TSGA10: variants seen among roughly 807,000 people sequenced by gnomAD.
The protein encoded by TSGA10 is testis specific 10, also known as testis-specific gene 10 protein.
Under a neutral mutation model 96.6 loss-of-function variants are expected in TSGA10, and 43 were observed. The ratio of observed to expected loss-of-function variants is 0.44; its 90% CI spans 0.35 to 0.57. TSGA10 has a LOEUF of 0.57. Among genes scored for constraint, TSGA10 ranks in the 20% least tolerant of loss-of-function variants. The pLI is 0.01. For synonymous variants in TSGA10, 229 were observed against 269.9 expected (o/e 0.85, Z 1.48); for missense variants, 703 against 834.4 (o/e 0.84, Z 1.94).
At chr2:99,012,204 C>A (rs1443841368) in intron 20 of TSGA10, among the ~76,000 whole-genome samples, 1 of 152,090 alleles carries the variant, frequency 6.6e-6, no homozygotes, top group African/African-American at 2.4e-5. Flanking sequence ...CAAAATACAT[C>A]AAAATAGAAG....
At chr2:99,079,385 T>C (rs1033042951) in intron 11 of TSGA10, among the ~76,000 whole-genome samples, 1 of 152,208 alleles carries the variant, frequency 6.6e-6, no homozygotes, top group East Asian at 1.9e-4. Context: ...AGTGTCAACG[T>C]TGAAGGCCTG....
At chr2:99,102,792 T>C in intron 10 of TSGA10, 1 of 1,477,450 alleles carries the variant, frequency 6.8e-7, no homozygotes, top group Non-Finnish European at 9.5e-7. Flanking sequence ...TTGTGTATAG[T>C]AATATGATTC....
intron 12 of TSGA10, among the ~76,000 whole-genome samples, chr2:99,073,417 GT>G (rs1558924955): frequency 6.6e-6 from 1 of 152,122 alleles, no homozygotes; most frequent in Non-Finnish European, 1.5e-5. Context: ...TGGCATTGGA[GT>G]ATTGGCATTT....
chr2:99,086,230 G>C (rs1000536203), intron 10 of TSGA10, among the ~76,000 whole-genome samples: 1 of 152,094 alleles, frequency 6.6e-6, no homozygotes, highest in African/African-American at 2.4e-5. Context: ...GTATTCTTTT[G>C]TGGAAAAAAA....
At chr2:99,002,929 G>C (rs546357173) in intron 20 of TSGA10, among the ~76,000 whole-genome samples, 1 of 151,156 alleles carries the variant, frequency 6.6e-6, no homozygotes, top group African/African-American at 2.4e-5. Context: ...GTGCGATCTT[G>C]GCTCACTGCA....
At chr2:99,011,877 A>G (rs770988847) in intron 20 of TSGA10, among the ~76,000 whole-genome samples, 2 of 152,212 alleles carry the variant, frequency 1.3e-5, no homozygotes, top group Admixed American at 6.5e-5. Context: ...TCACCTAGGC[A>G]CAAAGTCATC....
chr2:99,121,898 G>T (rs901069297), intron 2 of TSGA10, among the ~76,000 whole-genome samples: 6 of 152,092 alleles, frequency 3.9e-5, no homozygotes, highest in African/African-American at 1.4e-4. Flanking sequence ...CCTCCTAAAA[G>T]TCTCATAGTT....
intron 10 of TSGA10, chr2:99,102,144 G>A: frequency 6.8e-7 from 1 of 1,477,058 alleles, no homozygotes; most frequent in East Asian, 2.3e-5. Flanking sequence ...ATCGATCATG[G>A]AGCTGATGAA....
intron 16 of TSGA10, among the ~76,000 whole-genome samples, chr2:99,042,340 C>T (rs1056077873): frequency 6.6e-6 from 1 of 152,080 alleles, no homozygotes; most frequent in Non-Finnish European, 1.5e-5. Flanking sequence ...GGCCCTGGGG[C>T]ATCCTAAAAG....
intron 10 of TSGA10, among the ~76,000 whole-genome samples, chr2:99,098,280 A>T (rs1448864672): frequency 2.0e-5 from 3 of 151,694 alleles, no homozygotes; most frequent in Non-Finnish European, 4.4e-5. Context: ...TACTAAAAAT[A>T]CAAAAAAAAT....
chr2:99,078,965 A>G (rs1017581296), intron 11 of TSGA10, 152 bp from the exon 12 acceptor site: 8 of 598,306 alleles, frequency 1.3e-5, no homozygotes. Flanking sequence ...AATTAAAAAA[A>G]TTTTTTTGGT....
chr2:99,093,499 T>A (rs2089626426), intron 10 of TSGA10, among the ~76,000 whole-genome samples: 1 of 151,832 alleles, frequency 6.6e-6, no homozygotes, highest in Non-Finnish European at 1.5e-5. Context: ...ACCTAGAAAA[T>A]CCTAAAGACT....
Position 99,009,700 on chromosome 2 carries a change from T to G in TSGA10, c.2072+8500A>C, listed in dbSNP as rs899567413. 2.0e-5 allele frequency among the ~76,000 whole-genome samples: 3 copies of G among 151,938 alleles called. No individual in the cohort carries two copies. In the East Asian group the frequency reaches 5.8e-4, roughly 29 times the overall value. ...TAGTAACTACATTGATATTGTTGAGTAAACATGTTAATGTTGAGCCAAGGT... is the reference window on the plus strand; with the variant it reads ...TAGTAACTACATTGATATTGTTGAGGAAACATGTTAATGTTGAGCCAAGGT... On this transcript the variant is annotated intron_variant, in intron 20 of 20. Transcript: ENST00000393483.
chr2:99,144,035 T>G (rs914806758), intron 1 of TSGA10, among the ~76,000 whole-genome samples: 7 of 152,008 alleles, frequency 4.6e-5, no homozygotes, highest in East Asian at 1.9e-4. Flanking sequence ...TTGTTTGTTT[T>G]TTTGAGATGG....
At chr2:99,120,700 T>C (rs774736207) in intron 2 of TSGA10, among the ~76,000 whole-genome samples, 2 of 152,212 alleles carry the variant, frequency 1.3e-5, no homozygotes, top group Non-Finnish European at 2.9e-5. Flanking sequence ...ATAAACAACA[T>C]AGTATATCAT....
chr2:99,153,287 C>T (rs1416826593), intron 1 of TSGA10, among the ~76,000 whole-genome samples: 3 of 152,218 alleles, frequency 2.0e-5, no homozygotes, highest in East Asian at 1.9e-4. Flanking sequence ...TTTTGGAGTA[C>T]GTTGAAACAA....
intron 20 of TSGA10, among the ~76,000 whole-genome samples, chr2:99,005,072 G>T: frequency 6.6e-6 from 1 of 152,138 alleles, no homozygotes; most frequent in Non-Finnish European, 1.5e-5. Context: ...GGCAGAAAAG[G>T]CCTTTGACAA....
At chr2:99,140,797 T>TC (rs1397395571) in intron 1 of TSGA10, among the ~76,000 whole-genome samples, 2 of 151,798 alleles carry the variant, frequency 1.3e-5, no homozygotes, top group Non-Finnish European at 2.9e-5. Flanking sequence ...AACTGAACAG[T>TC]CTCCCCAACA....
At chr2:99,052,513 C>T (rs182446260) in intron 16 of TSGA10, among the ~76,000 whole-genome samples, 27 of 151,890 alleles carry the variant, frequency 1.8e-4, no homozygotes, top group African/African-American at 5.3e-4. Context: ...CCTAGGAGGG[C>T]GGATCACGAG....
Sources: gnomAD v4.1 joint callset for allele counts (sites outside exome capture counted in the v4.1 genomes callset) on GRCh38, gnomAD v4.1.1 for gene constraint, MANE v1.5 for transcripts, NCBI Gene and HGNC (gene_info 2026-07-23, HGNC 2026-07-21) for gene names.